The following IQCE variants were observed in gnomAD, a reference collection of about 807,000 sequenced individuals.
The protein encoded by IQCE is IQ domain-containing protein E.
In IQCE, 115 loss-of-function variants were observed where a neutral mutation model predicts 96.0. That is an observed-to-expected ratio of 1.20 (90% CI 1.03 to 1.40). The LOEUF (loss-of-function observed/expected upper bound fraction) is 1.40, where lower values mean the gene tolerates loss of function less well. Among genes scored for constraint, IQCE ranks in the 40% most tolerant of loss-of-function variants. The probability of loss-of-function intolerance (pLI) is 0.00; values close to 1 mark genes in which losing one functional copy is unlikely to be tolerated. For missense variants in IQCE, 1,041 were observed against 909.1 expected, an observed-to-expected ratio of 1.15 and a Z score of -1.87; for synonymous variants, 412 against 371.2, an observed-to-expected ratio of 1.11 and a Z score of -1.26.
In IQCE at chr7:2,601,567, C is replaced by T. The variant is rs187892888; in HGVS notation, c.1632+103C>T. ...GTGTTGATTCCTTTTCTTTTTTTTT[C>T]GAGATGGAATCTCGCTCTGTGGCCC... On this transcript the variant is annotated intron_variant, in intron 18 of 21. Coordinates refer to ENST00000402050, the MANE Select transcript of IQCE (RefSeq NM_152558.5). 321 of 899,030 alleles carry T rather than the reference C, an allele frequency of 3.6e-4. 1 individual carries two copies. In the African/African-American group the frequency reaches 4.5e-3, roughly 12 times the overall value. 55.7% of individuals were successfully genotyped at this position (899,030 alleles called of 1,614,324 possible). A position where few individuals can be genotyped will look rare whatever the true frequency, so the allele number is the denominator to read the frequency against.
chr7:2,613,148 C>A lies in IQCE; in HGVS notation c.*2986C>A, dbSNP rs1222501286. 1 of 152,246 alleles carries A rather than the reference C, an allele frequency of 6.6e-6. No homozygotes were observed. The highest frequency in any genetic ancestry group is 1.5e-5 in the Non-Finnish European group (1 of 68,058). The allele number at this position is 152,246 out of a possible 1,614,324, so 9.4% of individuals were successfully genotyped here. On this transcript the variant is annotated 3_prime_UTR_variant, in exon 22 of 22. Coordinates refer to ENST00000402050, the MANE Select transcript of IQCE (RefSeq NM_152558.5). ...CTCTATCCCATGCCCTTTAAACAAG[C>A]AGCCACAGGAGATGTCAGTCTCCAG...
intron 4 of IQCE, among the ~76,000 whole-genome samples, chr7:2,571,858 T>C (rs1252204116): frequency 6.6e-6 from 1 of 152,240 alleles, no homozygotes; most frequent in Non-Finnish European, 1.5e-5. Context: ...CCTCCCTTGG[T>C]CCCGTGTGGT....
intron 14 of IQCE, among the ~76,000 whole-genome samples, chr7:2,592,591 G>A (rs1055714982): frequency 2.6e-5 from 4 of 152,232 alleles, no homozygotes; most frequent in African/African-American, 4.8e-5. Flanking sequence ...CGCATGGGAC[G>A]CAAGAAACGC....
intron 6 of IQCE, among the ~76,000 whole-genome samples, chr7:2,577,248 C>T (rs1183684537): frequency 2.0e-5 from 3 of 151,948 alleles, no homozygotes; most frequent in African/African-American, 7.3e-5. Context: ...GTGTGCATGG[C>T]TGTGTACGTG....
At chr7:2,577,651 T>G (rs12700083) in intron 6 of IQCE, among the ~76,000 whole-genome samples, 1,078 of 22,072 alleles carry the variant, frequency 0.049, 23 homozygotes, top group Admixed American at 0.069. Flanking sequence ...TGGCGTGTGC[T>G]TGGCTGTGCG....
intron 1 of IQCE, among the ~76,000 whole-genome samples, chr7:2,559,966 C>T (rs373660402): frequency 2.0e-5 from 3 of 152,006 alleles, no homozygotes; most frequent in Non-Finnish European, 4.4e-5. Flanking sequence ...CCAGACCAGC[C>T]TGGGCAACAT....
intron 18 of IQCE, among the ~76,000 whole-genome samples, chr7:2,603,236 C>T (rs1053723745): frequency 3.9e-5 from 6 of 152,206 alleles, no homozygotes; most frequent in African/African-American, 1.4e-4. Flanking sequence ...TCCCGGTCCC[C>T]ACAGCCCGCT....
At chr7:2,560,813 C>T (rs1009727818) in intron 1 of IQCE, among the ~76,000 whole-genome samples, 3 of 150,968 alleles carry the variant, frequency 2.0e-5, no homozygotes, top group African/African-American at 4.9e-5. Context: ...AAAAATTAGC[C>T]GGGCGTGGTG....
intron 16 of IQCE, among the ~76,000 whole-genome samples, chr7:2,595,418 G>A (rs1183532165): frequency 2.0e-5 from 3 of 152,152 alleles, no homozygotes; most frequent in Non-Finnish European, 4.4e-5. Context: ...TGGGTGGGGT[G>A]GGGCTTCCTG....
At chr7:2,598,296 G>T (rs889216365) in intron 16 of IQCE, 169 bp from the exon 17 acceptor site, 2 of 591,910 alleles carry the variant, frequency 3.4e-6, no homozygotes, top group East Asian at 2.9e-5. Context: ...ACAAGAGACC[G>T]CTGTCATGTG....
At chr7:2,577,674 T>C (rs1181691499) in intron 6 of IQCE, among the ~76,000 whole-genome samples, 11 of 72,584 alleles carry the variant, frequency 1.5e-4, no homozygotes, top group Admixed American at 2.8e-4. Context: ...CGGGGACGTG[T>C]GTGCGGCGTG....
At chr7:2,566,249 T>C (rs1038352538) in intron 1 of IQCE, among the ~76,000 whole-genome samples, 1 of 151,578 alleles carries the variant, frequency 6.6e-6, no homozygotes, top group Non-Finnish European at 1.5e-5. Flanking sequence ...TCAATTTGAG[T>C]GAATGAGTTA....
At chr7:2,579,023 C>T (rs986056154) in intron 8 of IQCE, among the ~76,000 whole-genome samples, 50 of 150,480 alleles carry the variant, frequency 3.3e-4, no homozygotes, top group African/African-American at 1.1e-3. Flanking sequence ...CGCGCCACTG[C>T]ACTCCAGCCT....
intron 4 of IQCE, 128 bp downstream of exon 4, chr7:2,571,782 A>G (rs1018766297): frequency 2.8e-6 from 3 of 1,059,650 alleles, no homozygotes; most frequent in Non-Finnish European, 4.1e-6. Flanking sequence ...TTTCTCGAAG[A>G]CATCAAATAT....
chr7:2,600,990 A>G (rs1291368505), intron 17 of IQCE, among the ~76,000 whole-genome samples: 2 of 152,180 alleles, frequency 1.3e-5, no homozygotes, highest in Non-Finnish European at 2.9e-5. Context: ...CCCCTGAACC[A>G]AAGTCCCCTT....
chr7:2,607,101 T>G, intron 20 of IQCE, 23 bp from the exon 21 acceptor site: 1 of 1,573,572 alleles, frequency 6.4e-7, no homozygotes, highest in Non-Finnish European at 8.6e-7. Context: ...CAGAATCAGC[T>G]GGCGTTTTCT....
At chr7:2,607,677 G>GC (rs1784932266) in intron 21 of IQCE, 3 of 363,050 alleles carry the variant, frequency 8.3e-6, no homozygotes, top group Non-Finnish European at 1.1e-5. Flanking sequence ...GGATGCCCCA[G>GC]CAGGCCCTGC....
At position 2,604,799 on chromosome 7, in the gene IQCE, C is replaced by G. The variant is rs537164386; in HGVS notation, c.1633-82C>G. Reference sequence around the variant, plus strand: ...CACGTTCCCTGCTGCCGTGGCAGCTCTCTCCTCGGCGCCTCCCTCTCGCCC... The same window carrying G: ...CACGTTCCCTGCTGCCGTGGCAGCTGTCTCCTCGGCGCCTCCCTCTCGCCC... On this transcript the variant is annotated intron_variant, in intron 18 of 21. Coordinates refer to ENST00000402050, the MANE Select transcript of IQCE (RefSeq NM_152558.5). The G allele has an allele frequency of 7.9e-5, 73 of 927,520 alleles. 1 individual carries two copies. The East Asian group carries it at 1.9e-3, about 24-fold the overall frequency. The allele number at this position is 927,520 out of a possible 1,614,324, so 57.5% of individuals were successfully genotyped here.
chr7:2,601,744 T>C, intron 18 of IQCE: 1 of 377,562 alleles, frequency 2.6e-6, no homozygotes. Flanking sequence ...GAGACGGGGT[T>C]TCTCCGTGTT....
Sources: allele counts gnomAD v4.1 joint callset (sites outside exome capture counted in the v4.1 genomes callset), GRCh38; gene constraint gnomAD v4.1.1; transcripts MANE v1.5; gene names NCBI Gene and HGNC (gene_info 2026-07-23, HGNC 2026-07-21).